CORO2B: variants seen among roughly 807,000 people sequenced by gnomAD.
The protein encoded by CORO2B is coronin-2B.
A neutral mutation model predicts 58.8 loss-of-function variants in CORO2B; 26 were observed. The observed-to-expected ratio is 0.44, with a 90% CI of 0.32 to 0.61. The LOEUF is 0.61. CORO2B is among the 20% of genes least tolerant of loss of function. The probability of loss-of-function intolerance (pLI) is 0.04; values close to 1 mark genes in which losing one functional copy is unlikely to be tolerated. For synonymous variants in CORO2B, 242 were observed against 253.8 expected (o/e 0.95, Z 0.44); for missense variants, 460 against 645.1 (o/e 0.71, Z 3.11).
chr15:68,702,385 C>A (rs80193546), intron 3 of CORO2B, among the ~76,000 whole-genome samples: 3,763 of 152,260 alleles, frequency 0.025, 158 homozygotes, highest in African/African-American at 0.084. Flanking sequence ...CCTCCCAGGA[C>A]TCACAGCAGT....
chr15:68,718,230 T>C (rs1312214344), intron 8 of CORO2B, among the ~76,000 whole-genome samples: 2 of 152,152 alleles, frequency 1.3e-5, no homozygotes, highest in African/African-American at 4.8e-5. Context: ...TCCAGACCTC[T>C]AGGGTGTATG....
chr15:68,674,395 C>G (rs995971), intron 2 of CORO2B, among the ~76,000 whole-genome samples: 37,119 of 152,146 alleles, frequency 0.24, 4,629 homozygotes, highest in African/African-American at 0.26. Context: ...TAACTCGGGA[C>G]TGAAGCCAGC....
Position 68,642,910 on chromosome 15 carries a change from C to T in CORO2B, c.16-2250C>T, listed in dbSNP as rs142838177. 2.6e-3 allele frequency among the ~76,000 whole-genome samples: 396 copies of T among 152,258 alleles called. 3 individuals carry two copies. Among genetic ancestry groups the T allele is most frequent in the African/African-American group, 9.1e-3 (379 of 41,550 alleles). On this transcript the variant is annotated intron_variant, in intron 1 of 11. Transcript: ENST00000261861. The stretch of plus-strand genomic sequence containing the variant: ...TGACCAAGCTCAACACCTCCTTTCT[C>T]GTCTGTGGAAACTGTGGCATCGAGA...
Position 68,590,287 on chromosome 15 carries a change from C to T in CORO2B, c.15+11010C>T, listed in dbSNP as rs1899668752. 2.0e-5 allele frequency among the ~76,000 whole-genome samples: 3 copies of T among 151,660 alleles called. No individual in the cohort carries two copies. The South Asian group carries it at 6.3e-4, about 32-fold the overall frequency. On this transcript the variant is annotated intron_variant, in intron 1 of 11. Transcript: ENST00000261861. ...GAGTGTAGGAGCAGCCTGGGAGCCA[C>T]AAACTCAGTGGGCCTTTGCTTTTTG...
At chr15:68,527,130 C>A in the CORO2B span, among the ~76,000 whole-genome samples, 1 of 152,132 alleles carries the variant, frequency 6.6e-6, no homozygotes, top group African/African-American at 2.4e-5. Flanking sequence ...CTTAACAGCC[C>A]CCAACAGGTA....
the CORO2B span, among the ~76,000 whole-genome samples, chr15:68,541,245 A>AC: frequency 2.6e-5 from 4 of 150,984 alleles, no homozygotes; most frequent in African/African-American, 9.7e-5. Context: ...AAATAAAAAA[A>AC]GGAAGAAAAT....
chr15:68,668,576 G>C (rs1902273859), intron 2 of CORO2B, among the ~76,000 whole-genome samples: 1 of 152,078 alleles, frequency 6.6e-6, no homozygotes, highest in African/African-American at 2.4e-5. Context: ...GCCCTAGAAA[G>C]AGAGAATAGC....
intron 3 of CORO2B, among the ~76,000 whole-genome samples, chr15:68,707,341 A>G (rs896493267): frequency 1.3e-5 from 2 of 152,218 alleles, no homozygotes; most frequent in African/African-American, 4.8e-5. Context: ...GTTTTTGGGG[A>G]CAATTTTACA....
At chr15:68,662,691 T>G (rs1902053096) in intron 2 of CORO2B, among the ~76,000 whole-genome samples, 1 of 152,238 alleles carries the variant, frequency 6.6e-6, no homozygotes, top group African/African-American at 2.4e-5. Flanking sequence ...GCTACAAAAT[T>G]ATTACAGTAG....
chr15:68,529,225 A>G, the CORO2B span, among the ~76,000 whole-genome samples: 3 of 152,262 alleles, frequency 2.0e-5, no homozygotes, highest in East Asian at 1.9e-4. Context: ...ATTTTTTATC[A>G]TATTTAATAT....
intron 1 of CORO2B, among the ~76,000 whole-genome samples, chr15:68,595,701 C>T (rs920961537): frequency 6.6e-6 from 1 of 152,364 alleles, no homozygotes; most frequent in East Asian, 1.9e-4. Context: ...CAATTAAGCA[C>T]CTGCTCCATG....
intron 11 of CORO2B, among the ~76,000 whole-genome samples, chr15:68,724,248 A>G (rs1471301838): frequency 6.6e-6 from 1 of 152,148 alleles, no homozygotes; most frequent in African/African-American, 2.4e-5. Context: ...ATATACATTC[A>G]TTTAGCATAT....
chr15:68,657,886 A>G (rs1297686177), intron 2 of CORO2B, among the ~76,000 whole-genome samples: 1 of 152,222 alleles, frequency 6.6e-6, no homozygotes, highest in Non-Finnish European at 1.5e-5. Flanking sequence ...CACTCAGATT[A>G]AAGACCTTGG....
the CORO2B span, among the ~76,000 whole-genome samples, chr15:68,540,116 T>C: frequency 1.3e-5 from 2 of 152,272 alleles, no homozygotes; most frequent in African/African-American, 4.8e-5. Flanking sequence ...TTTCATACTC[T>C]GTAACATTAA....
At chr15:68,539,262 T>A in the CORO2B span, among the ~76,000 whole-genome samples, 2 of 152,174 alleles carry the variant, frequency 1.3e-5, no homozygotes, top group Non-Finnish European at 2.9e-5. Context: ...CTGTGCCAGC[T>A]GGCAAAAGAA....
chr15:68,620,853 G>A (rs1018364208), intron 1 of CORO2B, among the ~76,000 whole-genome samples: 2 of 152,188 alleles, frequency 1.3e-5, no homozygotes, highest in Non-Finnish European at 2.9e-5. Context: ...AGGGTTGGGC[G>A]GGGAGCCAGT....
At chr15:68,679,121 G>A (rs566175092) in intron 2 of CORO2B, among the ~76,000 whole-genome samples, 1 of 152,286 alleles carries the variant, frequency 6.6e-6, no homozygotes, top group South Asian at 2.1e-4. Flanking sequence ...CACCGTGCTG[G>A]GTGTTGGGAT....
rs1192260415 is a variant in CORO2B at position 68,691,327 on chromosome 15, C to CAAA, written c.217-3799_217-3797dup. Among the ~76,000 whole-genome samples, 59 of 9,540 alleles carry CAAA rather than the reference C, an allele frequency of 6.2e-3. 3 individuals are homozygous for CAAA. Among genetic ancestry groups the CAAA allele is most frequent in the East Asian group, 0.062 (2 of 32 alleles). The allele number at this position is 9,540 out of a possible 152,430, so 6.3% of individuals were successfully genotyped here. ...CCTGGGAGACAGCGAGACTCCGTCT[C>CAAA]AAAAAAAAAAAAAAAAGGCCGGGCG... is the stretch of plus-strand genomic sequence containing the variant. On this transcript the variant is annotated intron_variant, in intron 2 of 11. Coordinates refer to ENST00000261861, the MANE Select transcript of CORO2B (RefSeq NM_006091.5).
intron 1 of CORO2B, among the ~76,000 whole-genome samples, chr15:68,597,288 A>G (rs760124487): frequency 2.6e-5 from 4 of 152,182 alleles, no homozygotes; most frequent in Admixed American, 6.5e-5. Flanking sequence ...TTAATTCACC[A>G]GCAACAAAAT....
Sources: allele counts gnomAD v4.1 joint callset (sites outside exome capture counted in the v4.1 genomes callset), GRCh38; gene constraint gnomAD v4.1.1; transcripts MANE v1.5; gene names NCBI Gene and HGNC (gene_info 2026-07-23, HGNC 2026-07-21).